STK33: variants seen among roughly 807,000 people sequenced by gnomAD.
STK33 encodes the protein serine/threonine kinase 33.
STK33 carries 52 observed loss-of-function variants against 58.0 expected under a neutral mutation model. The ratio of observed to expected loss-of-function variants is 0.90; its 90% confidence interval spans 0.72 to 1.13. The LOEUF is 1.13. Ranked by LOEUF, STK33 falls within the 50% of genes most tolerant of loss-of-function variation. STK33 has a pLI of 0.00. For missense variants in STK33, 630 were observed against 604.2 expected (o/e 1.04, Z -0.45); for synonymous variants, 215 against 200.1 (o/e 1.07, Z -0.63).
At chr11:8,571,899 A>T (rs188743569) in intron 1 of STK33, among the ~76,000 whole-genome samples, 2,847 of 140,246 alleles carry the variant, frequency 0.02, 75 homozygotes, top group African/African-American at 0.047. Flanking sequence ...AAAATTTTAA[A>T]AAAATTTAAA....
chr11:8,356,703 G>A, the STK33 span, among the ~76,000 whole-genome samples: 116 of 152,280 alleles, frequency 7.6e-4, no homozygotes, highest in South Asian at 2.9e-3. Flanking sequence ...TGCCAATTCC[G>A]GCTGGGGCAT....
intron 14 of STK33, among the ~76,000 whole-genome samples, chr11:8,419,336 A>G (rs1403339466): frequency 6.6e-6 from 1 of 152,158 alleles, no homozygotes; most frequent in Non-Finnish European, 1.5e-5. Flanking sequence ...TATCGAATAG[A>G]AAGTCCTTTC....
chr11:8,435,566 C>A lies in STK33; in HGVS notation c.1074G>T (p.Leu358Phe). 6.7e-7 allele frequency: 1 copy of A among 1,484,654 alleles called. No homozygotes were observed. The highest frequency in any genetic ancestry group is 1.5e-5 in the South Asian group (1 of 65,472). The allele number at this position is 1,484,654 out of a possible 1,614,324, so 92.0% of individuals were successfully genotyped here. Residue 358 changes from leucine to phenylalanine, a missense_variant, in exon 14 of 16, where the codon TTG becomes TTT. Physicochemically the swap from Leu to Phe is conservative, Grantham distance 22. Transcript: ENST00000687296. ...CAGGATCTACTTTCATAAGTTGTTT[C>A]AAAACACTTTTAGCTAAAAATAAGA... ...NSISDCAKSV[L>F]KQLMKVDPAH...
chr11:8,481,208 C>G (rs1437945105), intron 1 of STK33, among the ~76,000 whole-genome samples: 2 of 152,318 alleles, frequency 1.3e-5, no homozygotes, highest in Non-Finnish European at 1.5e-5. Context: ...GTCCAGGCAA[C>G]TTTCCCCTTA....
the STK33 span, among the ~76,000 whole-genome samples, chr11:8,342,343 C>A: frequency 6.6e-6 from 1 of 152,210 alleles, no homozygotes; most frequent in South Asian, 2.1e-4. Context: ...GGTCTATGTG[C>A]CAGCAGTTGG....
chr11:8,490,289 C>T (rs1451970803), intron 1 of STK33, among the ~76,000 whole-genome samples: 2 of 152,224 alleles, frequency 1.3e-5, no homozygotes, highest in African/African-American at 2.4e-5. Context: ...TGGATAGGTC[C>T]TACGCCTATG....
intron 1 of STK33, among the ~76,000 whole-genome samples, chr11:8,509,495 T>C (rs919455999): frequency 3.9e-5 from 6 of 152,220 alleles, no homozygotes; most frequent in South Asian, 2.1e-4. Context: ...GACCCCATCA[T>C]ATTTGTTACA....
chr11:8,345,833 A>G, the STK33 span, among the ~76,000 whole-genome samples: 3 of 152,208 alleles, frequency 2.0e-5, no homozygotes, highest in African/African-American at 7.2e-5. Flanking sequence ...CGAGAGAAAG[A>G]TGGTAGAGAC....
chr11:8,499,626 G>A (rs1951350569), intron 1 of STK33, among the ~76,000 whole-genome samples: 3 of 152,142 alleles, frequency 2.0e-5, no homozygotes. Flanking sequence ...GCACACGTAG[G>A]TTTATTGTGG....
intron 1 of STK33, among the ~76,000 whole-genome samples, chr11:8,524,622 G>C (rs1953869819): frequency 6.6e-6 from 1 of 151,988 alleles, no homozygotes; most frequent in Non-Finnish European, 1.5e-5. Context: ...TTATTCAGAA[G>C]TTTGATAATG....
At chr11:8,577,949 G>A (rs893903931) in intron 1 of STK33, among the ~76,000 whole-genome samples, 1 of 152,044 alleles carries the variant, frequency 6.6e-6, no homozygotes, top group Non-Finnish European at 1.5e-5. Context: ...TGCCTCTCCA[G>A]GGAAGTTCTT....
At chr11:8,358,900 A>T in the STK33 span, among the ~76,000 whole-genome samples, 1 of 152,234 alleles carries the variant, frequency 6.6e-6, no homozygotes, top group African/African-American at 2.4e-5. Context: ...AGGCTGGCAG[A>T]TACCACCTTC....
At chr11:8,426,670 G>A (rs539040603) in intron 14 of STK33, among the ~76,000 whole-genome samples, 48 of 152,062 alleles carry the variant, frequency 3.2e-4, no homozygotes, top group African/African-American at 1.1e-3. Context: ...TGACCTTGTC[G>A]ATCTTTTCTA....
chr11:8,336,387 G>A, the STK33 span, among the ~76,000 whole-genome samples: 3 of 152,252 alleles, frequency 2.0e-5, no homozygotes, highest in Admixed American at 6.5e-5. Context: ...AGAGGACACC[G>A]TGGGGGCAGT....
intron 1 of STK33, among the ~76,000 whole-genome samples, chr11:8,584,355 C>T (rs2031078289): frequency 6.6e-6 from 1 of 152,130 alleles, no homozygotes; most frequent in Admixed American, 6.5e-5. Flanking sequence ...ATACATATTC[C>T]TTCATGTCTG....
At chr11:8,567,641 T>G (rs1021458974) in intron 1 of STK33, among the ~76,000 whole-genome samples, 3 of 152,180 alleles carry the variant, frequency 2.0e-5, no homozygotes, top group South Asian at 4.1e-4. Context: ...TAACTACACC[T>G]GGGTAACCTT....
chr11:8,359,247 G>A, the STK33 span, among the ~76,000 whole-genome samples: 2 of 152,200 alleles, frequency 1.3e-5, no homozygotes, highest in Non-Finnish European at 2.9e-5. Flanking sequence ...TGGGGCAGAA[G>A]ACTGACTGCT....
intron 1 of STK33, among the ~76,000 whole-genome samples, chr11:8,516,370 T>G (rs7952429): frequency 6.6e-6 from 1 of 151,956 alleles, no homozygotes; most frequent in African/African-American, 2.4e-5. Flanking sequence ...AGAATGAAAC[T>G]GGGGGCAGAT....
intron 1 of STK33, among the ~76,000 whole-genome samples, chr11:8,577,802 A>T (rs1216645772): frequency 6.6e-6 from 1 of 152,100 alleles, no homozygotes; most frequent in Non-Finnish European, 1.5e-5. Flanking sequence ...TTCAATTTAT[A>T]CATAAATATT....
Sources: allele counts gnomAD v4.1 joint callset (sites outside exome capture counted in the v4.1 genomes callset), GRCh38; gene constraint gnomAD v4.1.1; transcripts MANE v1.5; gene names NCBI Gene and HGNC (gene_info 2026-07-23, HGNC 2026-07-21).